The following CNTNAP2 variants were observed in gnomAD, a reference collection of about 807,000 sequenced individuals.
CNTNAP2 encodes the protein contactin associated protein 2, also known as contactin-associated protein-like 2.
In CNTNAP2, 98 loss-of-function variants were observed where a neutral mutation model predicts 155.2. That is an observed-to-expected ratio of 0.63 (90% CI 0.54 to 0.75). CNTNAP2 has a LOEUF of 0.75. Ranked by LOEUF, CNTNAP2 falls within the 30% of genes least tolerant of loss-of-function variation. The pLI is 0.00. For missense variants in CNTNAP2, 1,727 were observed against 1,688.1 expected (o/e 1.02, Z -0.40); for synonymous variants, 651 against 631.2 (o/e 1.03, Z -0.47).
chr7:146,647,002 C>T (rs138105289), intron 1 of CNTNAP2, among the ~76,000 whole-genome samples: 4 of 152,266 alleles, frequency 2.6e-5, no homozygotes, highest in African/African-American at 9.6e-5. Context: ...GGCTCTGAGG[C>T]AGGGCACAAT....
At chr7:146,580,328 T>A (rs1176367808) in intron 1 of CNTNAP2, among the ~76,000 whole-genome samples, 1 of 152,138 alleles carries the variant, frequency 6.6e-6, no homozygotes, top group African/African-American at 2.4e-5. Flanking sequence ...ATTTAAAGTT[T>A]TTGTTAGTGA....
intron 1 of CNTNAP2, among the ~76,000 whole-genome samples, chr7:146,122,124 G>T (rs1402184074): frequency 6.6e-6 from 1 of 152,132 alleles, no homozygotes. Flanking sequence ...TCCTATGTTA[G>T]GTAGAGTTAC....
chr7:147,395,958 T>G (rs1356877299), intron 10 of CNTNAP2, among the ~76,000 whole-genome samples, 178 bp downstream of exon 10: 1 of 150,464 alleles, frequency 6.6e-6, no homozygotes, highest in Non-Finnish European at 1.5e-5. Flanking sequence ...TATGTTTATG[T>G]TTTTATGTGG....
chr7:146,928,137 T>C (rs1481972844), intron 3 of CNTNAP2, among the ~76,000 whole-genome samples: 1 of 152,062 alleles, frequency 6.6e-6, no homozygotes, highest in Non-Finnish European at 1.5e-5. Context: ...ACAAAAGTCA[T>C]AGATACTTTG....
intron 4 of CNTNAP2, chr7:147,080,976 A>G (rs1211386485): frequency 6.6e-6 from 1 of 152,170 alleles, no homozygotes; most frequent in East Asian, 1.9e-4. Flanking sequence ...TGGTACACAA[A>G]TATACACTTA....
chr7:147,416,231 C>A (rs1797191531), intron 10 of CNTNAP2, among the ~76,000 whole-genome samples: 1 of 152,162 alleles, frequency 6.6e-6, no homozygotes, highest in Admixed American at 6.5e-5. Context: ...GCCACAGGGA[C>A]TATTTCAAGA....
chr7:148,234,033 G>A (rs1190234483), intron 20 of CNTNAP2, among the ~76,000 whole-genome samples: 1 of 152,178 alleles, frequency 6.6e-6, no homozygotes, highest in Non-Finnish European at 1.5e-5. Flanking sequence ...CCCCAGCCAT[G>A]CTTCCTGTAC....
intron 3 of CNTNAP2, among the ~76,000 whole-genome samples, chr7:146,846,630 A>G (rs577959607): frequency 1.3e-5 from 2 of 152,268 alleles, no homozygotes; most frequent in Admixed American, 1.3e-4. Context: ...TCTCATTTTC[A>G]AAGGTCATGA....
At chr7:147,088,322 C>T (rs1345789630) in intron 4 of CNTNAP2, among the ~76,000 whole-genome samples, 1 of 152,044 alleles carries the variant, frequency 6.6e-6, no homozygotes, top group East Asian at 1.9e-4. Flanking sequence ...AATATTGGAG[C>T]TTTTCTGTGG....
At chr7:146,122,509 C>T (rs1347832042) in intron 1 of CNTNAP2, among the ~76,000 whole-genome samples, 1 of 151,942 alleles carries the variant, frequency 6.6e-6, no homozygotes, top group East Asian at 1.9e-4. Context: ...ATTGAAATTG[C>T]CAAAAATAAG....
intron 15 of CNTNAP2, among the ~76,000 whole-genome samples, chr7:148,117,260 GC>G (rs1563204637): frequency 1.3e-5 from 2 of 152,318 alleles, no homozygotes; most frequent in East Asian, 3.9e-4. Context: ...CATTTGGTGG[GC>G]TCACTGCCTC....
chr7:147,736,347 G>T (rs1033153272), intron 13 of CNTNAP2, among the ~76,000 whole-genome samples: 1 of 152,074 alleles, frequency 6.6e-6, no homozygotes, highest in African/African-American at 2.4e-5. Flanking sequence ...TTGAATATTG[G>T]CCCCCACTCT....
At chr7:148,308,543 CTATTTATGTATT>C (rs1285135399) in intron 21 of CNTNAP2, among the ~76,000 whole-genome samples, 1 of 135,332 alleles carries the variant, frequency 7.4e-6, no homozygotes, top group Non-Finnish European at 1.6e-5. Context: ...CCATTTTAAC[CTATTTATGTATT>C]TATTTATTTA....
intron 10 of CNTNAP2, among the ~76,000 whole-genome samples, chr7:147,440,063 A>G (rs1797611634): frequency 6.6e-6 from 1 of 151,966 alleles, no homozygotes; most frequent in East Asian, 1.9e-4. Context: ...TTTATATTCA[A>G]TGTTATTATT....
chr7:148,097,496 G>A (rs1803999237), intron 15 of CNTNAP2, among the ~76,000 whole-genome samples: 1 of 151,856 alleles, frequency 6.6e-6, no homozygotes, highest in African/African-American at 2.4e-5. Context: ...CTTTTTTGGG[G>A]GGGCGGGGCA....
chr7:147,990,430 C>T (rs1272766650), intron 15 of CNTNAP2, among the ~76,000 whole-genome samples: 1 of 152,064 alleles, frequency 6.6e-6, no homozygotes, highest in Non-Finnish European at 1.5e-5. Flanking sequence ...TTATCACAGG[C>T]TTGGACTGTT....
intron 8 of CNTNAP2, among the ~76,000 whole-genome samples, chr7:147,150,462 G>A (rs1177140652): frequency 6.6e-6 from 1 of 152,092 alleles, no homozygotes; most frequent in East Asian, 1.9e-4. Flanking sequence ...AGAAAAAAAA[G>A]TAATAAACCT....
chr7:148,116,223 C>T (rs559393747), intron 15 of CNTNAP2, among the ~76,000 whole-genome samples: 14 of 151,904 alleles, frequency 9.2e-5, no homozygotes, highest in Admixed American at 7.2e-4. Context: ...AAGATATTTA[C>T]AAACATATTT....
chr7:147,587,674 A>G (rs1252179754), intron 12 of CNTNAP2, among the ~76,000 whole-genome samples: 1 of 152,150 alleles, frequency 6.6e-6, no homozygotes, highest in Non-Finnish European at 1.5e-5. Context: ...CTGCCATTCC[A>G]TCCTTCACTG....
Sources: allele counts gnomAD v4.1 joint callset (sites outside exome capture counted in the v4.1 genomes callset), GRCh38; gene constraint gnomAD v4.1.1; transcripts MANE v1.5; gene names NCBI Gene and HGNC (gene_info 2026-07-23, HGNC 2026-07-21).